Variants in PTPRD observed in about 807,000 individuals in gnomAD.
The protein encoded by PTPRD is protein tyrosine phosphatase receptor type D, also known as receptor-type tyrosine-protein phosphatase delta.
Under a neutral mutation model 214.5 loss-of-function variants are expected in PTPRD, and 34 were observed. The ratio of observed to expected loss-of-function variants is 0.16; its 90% CI spans 0.12 to 0.21. PTPRD has a LOEUF of 0.21. Ranked by LOEUF, PTPRD falls within the 10% of genes least tolerant of loss-of-function variation. The pLI is 1.00. For missense variants in PTPRD, 2,545 were observed against 2,398.7 expected (o/e 1.06, Z -1.27); for synonymous variants, 1,128 against 845.7 (o/e 1.33, Z -5.79).
At chr9:10,051,302 T>G (rs183773286) in intron 3 of PTPRD, among the ~76,000 whole-genome samples, 1 of 152,116 alleles carries the variant, frequency 6.6e-6, no homozygotes, top group Admixed American at 6.6e-5. Context: ...TTTAAAGTAT[T>G]AGAAATAGTA....
At chr9:8,711,857 G>A (rs1022883596) in intron 12 of PTPRD, among the ~76,000 whole-genome samples, 1 of 152,162 alleles carries the variant, frequency 6.6e-6, no homozygotes, top group Non-Finnish European at 1.5e-5. Flanking sequence ...ACTGTGATAC[G>A]GATATAATGC....
chr9:9,678,672 G>C (rs1191256875), intron 7 of PTPRD, among the ~76,000 whole-genome samples: 1 of 151,478 alleles, frequency 6.6e-6, no homozygotes, highest in East Asian at 1.9e-4. Flanking sequence ...AAAGTAAAAA[G>C]ACCTTATAGA....
At chr9:10,069,319 T>C (rs1427869480) in intron 3 of PTPRD, among the ~76,000 whole-genome samples, 1 of 151,966 alleles carries the variant, frequency 6.6e-6, no homozygotes, top group African/African-American at 2.4e-5. Context: ...AGTTGTTCCC[T>C]TTGTGATACT....
rs561642392 is a variant in PTPRD at position 10,564,542 on chromosome 9, C to A, written c.-600+47856G>T. ...GGGCTAAAGTGATTCTTTCCAAGGG[C>A]AGATAGCCTAAGAAGAGCTATATCC... On this transcript the variant is annotated intron_variant, in intron 2 of 45. Coordinates refer to ENST00000381196, the MANE Select transcript of PTPRD (RefSeq NM_002839.4). Among the ~76,000 whole-genome samples, 54 of 152,066 alleles carry A rather than the reference C, an allele frequency of 3.6e-4. 1 individual carries two copies. The South Asian group carries it at 0.011, about 31-fold the overall frequency.
chr9:9,482,503 TCC>T (rs1262364605), intron 8 of PTPRD, among the ~76,000 whole-genome samples: 1 of 152,204 alleles, frequency 6.6e-6, no homozygotes, highest in East Asian at 1.9e-4. Context: ...TCTTTCATTG[TCC>T]AGATACTTGA....
At chr9:10,172,694 G>T (rs1259895050) in intron 3 of PTPRD, among the ~76,000 whole-genome samples, 1 of 152,132 alleles carries the variant, frequency 6.6e-6, no homozygotes, top group Non-Finnish European at 1.5e-5. Flanking sequence ...AGTTGGGAAC[G>T]TTTCCAAGAA....
chr9:10,320,080 G>A (rs555016163), intron 3 of PTPRD, among the ~76,000 whole-genome samples: 3 of 152,042 alleles, frequency 2.0e-5, no homozygotes, highest in Admixed American at 6.6e-5. Context: ...ATCTTTACAT[G>A]TTATAGATTT....
At chr9:9,106,032 G>T (rs1436689903) in intron 10 of PTPRD, among the ~76,000 whole-genome samples, 2 of 152,092 alleles carry the variant, frequency 1.3e-5, no homozygotes, top group Admixed American at 1.3e-4. Context: ...TTAGAAAAGG[G>T]GGGGTCGATG....
intron 4 of PTPRD, among the ~76,000 whole-genome samples, chr9:10,008,131 G>GC (rs1567056309): frequency 6.6e-6 from 1 of 151,860 alleles, no homozygotes; most frequent in African/African-American, 2.4e-5. Flanking sequence ...ACCTCAACCC[G>GC]CTTAACAAAT....
At chr9:9,407,697 C>A (rs185725400) in intron 8 of PTPRD, among the ~76,000 whole-genome samples, 7 of 151,878 alleles carry the variant, frequency 4.6e-5, no homozygotes, top group Admixed American at 3.9e-4. Flanking sequence ...TTTACTTGTT[C>A]CTCTGTAAAA....
At chr9:9,208,603 G>C (rs2099946492) in intron 9 of PTPRD, among the ~76,000 whole-genome samples, 1 of 151,794 alleles carries the variant, frequency 6.6e-6, no homozygotes, top group African/African-American at 2.4e-5. Context: ...AGAAAATAAG[G>C]GGAACATACC....
At chr9:9,855,861 A>G (rs533447321) in intron 5 of PTPRD, among the ~76,000 whole-genome samples, 1 of 152,298 alleles carries the variant, frequency 6.6e-6, no homozygotes, top group African/African-American at 2.4e-5. Flanking sequence ...GGACGGCTTT[A>G]AGCGCTAGCA....
At chr9:9,107,853 C>G (rs946790928) in intron 10 of PTPRD, among the ~76,000 whole-genome samples, 2 of 152,266 alleles carry the variant, frequency 1.3e-5, no homozygotes, top group Non-Finnish European at 2.9e-5. Flanking sequence ...GACTACCATG[C>G]CAACTTACAT....
chr9:10,134,346 G>A (rs543341595), intron 3 of PTPRD, among the ~76,000 whole-genome samples: 1 of 152,178 alleles, frequency 6.6e-6, no homozygotes, highest in African/African-American at 2.4e-5. Context: ...TGATTTGGGA[G>A]TCCCTAAGGC....
At chr9:8,705,592 C>G (rs967846290) in intron 12 of PTPRD, among the ~76,000 whole-genome samples, 1 of 152,138 alleles carries the variant, frequency 6.6e-6, no homozygotes, top group South Asian at 2.1e-4. Context: ...TAAGAAGCAA[C>G]AGCAAAGAAG....
intron 11 of PTPRD, among the ~76,000 whole-genome samples, chr9:8,932,809 C>T (rs183565590): frequency 1.9e-4 from 29 of 152,224 alleles, no homozygotes; most frequent in East Asian, 3.9e-4. Flanking sequence ...TGCTGGGCTC[C>T]GTGGGCGTGG....
chr9:8,920,015 CAAG>C (rs140335502), intron 11 of PTPRD, among the ~76,000 whole-genome samples: 28,377 of 151,124 alleles, frequency 0.19, 3,220 homozygotes, highest in Non-Finnish European at 0.26. Context: ...ATAATGTTAA[CAAG>C]ATGACATATA....
chr9:10,259,681 G>T (rs912663952), intron 3 of PTPRD, among the ~76,000 whole-genome samples: 1 of 151,932 alleles, frequency 6.6e-6, no homozygotes, highest in Non-Finnish European at 1.5e-5. Flanking sequence ...ATAAAAAGTG[G>T]GTATCAACTT....
intron 5 of PTPRD, among the ~76,000 whole-genome samples, chr9:9,925,617 CAAA>C (rs1257005766): frequency 6.6e-6 from 1 of 151,112 alleles, no homozygotes; most frequent in African/African-American, 2.4e-5. Context: ...ATTCAGATGA[CAAA>C]ATTTTTTAAA....
Sources: gnomAD v4.1 joint callset for allele counts (sites outside exome capture counted in the v4.1 genomes callset) on GRCh38, gnomAD v4.1.1 for gene constraint, MANE v1.5 for transcripts, NCBI Gene and HGNC (gene_info 2026-07-23, HGNC 2026-07-21) for gene names.